RNF123: variants seen among roughly 807,000 people sequenced by gnomAD.
RNF123 encodes the protein ring finger protein 123.
A neutral mutation model predicts 168.5 loss-of-function variants in RNF123; 86 were observed. The ratio of observed to expected loss-of-function variants is 0.51; its 90% confidence interval spans 0.43 to 0.61. RNF123 has a LOEUF of 0.61. Ranked by LOEUF, RNF123 falls within the 20% of genes least tolerant of loss-of-function variation. The pLI, the probability that RNF123 is intolerant of heterozygous loss-of-function variation, is 0.00. For missense variants in RNF123, 1,419 were observed against 1,729.7 expected (o/e 0.82, Z 3.19); for synonymous variants, 666 against 689.1 (o/e 0.97, Z 0.52).
Position 49,701,884 on chromosome 3 carries a change from G to A in RNF123, c.1469G>A (p.Cys490Tyr), listed in dbSNP as rs1375530250. ...RLRRRAYERGCQRLRKRIEVV... is the reference protein window; with the variant it reads ...RLRRRAYERGYQRLRKRIEVV... Reference sequence around the variant, plus strand: ...CGGCGGCGAGCCTACGAACGGGGCTGTCAGCGGCTCAGGAAGCGCATCGAA... The same window carrying A: ...CGGCGGCGAGCCTACGAACGGGGCTATCAGCGGCTCAGGAAGCGCATCGAA... Residue 490 changes from cysteine (C) to tyrosine (Y), a missense_variant, in exon 17 of 39, where the codon TGT becomes TAT. Cys to Tyr is a radical substitution (Grantham distance 194, BLOSUM62 -2). This residue lies in a region of RNF123 where 349 missense variants were observed against 344.9 expected (regional missense o/e 1.01). Transcript: ENST00000327697. The A allele has an allele frequency of 6.4e-7, 1 of 1,564,472 alleles. No homozygotes were observed.
At position 49,699,675 on chromosome 3, in the gene RNF123, G is replaced by A. The variant is rs770997519; in HGVS notation, c.887G>A (p.Arg296Gln). The change falls in exon 12 of 39, where the codon CGG becomes CAG. Residue 296 changes from arginine to glutamine, a missense_variant. This residue lies in a region of RNF123 where 318 missense variants were observed against 446.6 expected (regional missense o/e 0.71). Transcript: ENST00000327697. The surrounding 1 kb of genome is among the most constrained non-coding windows in gnomAD (Gnocchi z 4.8). Reference sequence around the variant, plus strand: ...TCCTCCCCCTCCACACAGGAGGGGCGGCTGTTGGACAAGGAGAGCTCCAAG... The same window carrying A: ...TCCTCCCCCTCCACACAGGAGGGGCAGCTGTTGGACAAGGAGAGCTCCAAG... ...LSVELDPVEGRLLDKESSKWR... is the reference protein window; with the variant it reads ...LSVELDPVEGQLLDKESSKWR... 52 of 1,613,848 alleles carry A rather than the reference G, an allele frequency of 3.2e-5. No individual in the cohort carries two copies. The highest frequency in any genetic ancestry group is 1.7e-4 in the Admixed American group (10 of 60,024).
Position 49,715,673 on chromosome 3 carries a change from C to G in RNF123, c.3109C>G (p.Leu1037Val). Residue 1037 changes from leucine (L) to valine (V), a missense_variant, in exon 32 of 39, where the codon CTC becomes GTC. Leu to Val is a conservative substitution (Grantham distance 32). Transcript: ENST00000327697. Reference sequence around the variant, plus strand: ...CTTCCTCAACAGCGTCCTCAATCAGCTCAACTGGGCCTTCTCTGAATTCAT... The same window carrying G: ...CTTCCTCAACAGCGTCCTCAATCAGGTCAACTGGGCCTTCTCTGAATTCAT... ...PSFLNSVLNQLNWAFSEFIGM... is the reference protein window; with the variant it reads ...PSFLNSVLNQVNWAFSEFIGM... 1 of 1,614,244 alleles carries G rather than the reference C, an allele frequency of 6.2e-7. No homozygotes were observed. Among genetic ancestry groups the G allele is most frequent in the East Asian group, 2.2e-5 (1 of 44,882 alleles).
intron 32 of RNF123, 25 bp from the exon 33 acceptor site, chr3:49,715,797 G>C (rs944235878): frequency 6.2e-7 from 1 of 1,613,782 alleles, no homozygotes; most frequent in Admixed American, 1.7e-5. Context: ...GCTGACCACT[G>C]CATGCCCACG....
At chr3:49,719,920 AGCT>A (rs2108207129) in intron 35 of RNF123, 1 of 178,480 alleles carries the variant, frequency 5.6e-6, no homozygotes, top group East Asian at 1.7e-4. Flanking sequence ...AATGTCTCCA[AGCT>A]GCTGTTAGTG....
rs199537166 is a variant in RNF123, at chr3:49,705,700, G to A, written c.2304+21G>A. On this transcript the variant is annotated intron_variant, in intron 24 of 38. Coordinates refer to ENST00000327697, the MANE Select transcript of RNF123 (RefSeq NM_022064.5). ...GCAAGGTCGTGCACTCTTGGACCCCGCATTGGGTGGCGGGTGTTGTGCGTG... is the reference window on the plus strand; with the variant it reads ...GCAAGGTCGTGCACTCTTGGACCCCACATTGGGTGGCGGGTGTTGTGCGTG... The A allele has an allele frequency of 2.0e-4, 329 of 1,613,802 alleles. 1 individual carries two copies. The highest frequency in any genetic ancestry group is 5.8e-5 in the Non-Finnish European group (69 of 1,179,908).
At chr3:49,715,294 G>C (rs2080216960) in intron 31 of RNF123, among the ~76,000 whole-genome samples, 1 of 152,252 alleles carries the variant, frequency 6.6e-6, no homozygotes, top group Non-Finnish European at 1.5e-5. Context: ...CTGAGGGTCA[G>C]GCTGTGGCTG....
intron 20 of RNF123, 126 bp from the exon 21 acceptor site, chr3:49,703,301 C>A: frequency 1.4e-6 from 1 of 710,230 alleles, no homozygotes; most frequent in South Asian, 1.8e-5. Context: ...CTCTGTCTGC[C>A]TGGATGGGTG....
Position 49,703,505 on chromosome 3 carries a change from C to T in RNF123, c.1829C>T (p.Ser610Leu), listed in dbSNP as rs1271906373. 9.9e-6 allele frequency: 16 copies of T among 1,614,000 alleles called. No individual in the cohort carries two copies. The highest frequency in any genetic ancestry group is 3.3e-5 in the South Asian group (3 of 91,074). The stretch of plus-strand genomic sequence containing the variant: ...CTGCAGCGCCTGGGGGGCCTCCTCT[C>T]GCACCTGCGGAAGACCCTCAAAGGT... ...FDLQRLGGLL[S>L]HLRKTLKDDL... Residue 610 changes from serine to leucine, a missense_variant, in exon 21 of 39, where the codon TCG (serine) becomes TTG (leucine). Coordinates refer to ENST00000327697, the MANE Select transcript of RNF123 (RefSeq NM_022064.5).
rs763007037 is a variant in RNF123, at chr3:49,699,426, G to A, written c.765-42G>A. The A allele has an allele frequency of 6.0e-6, 9 of 1,508,696 alleles. No individual in the cohort carries two copies. Among genetic ancestry groups the A allele is most frequent in the South Asian group, 2.4e-5 (2 of 83,838 alleles). 93.5% of individuals were successfully genotyped at this position (1,508,696 alleles called of 1,614,324 possible). On this transcript the variant is annotated intron_variant, in intron 10 of 38. Transcript: ENST00000327697. The surrounding 1 kb of genome is among the most constrained non-coding windows in gnomAD (Gnocchi z 4.8). The stretch of plus-strand genomic sequence containing the variant: ...TGGGCAGTGGAGAGGGAGTAGGCAT[G>A]TCTGAGCCACAGATAAGGCGTTGCT...
rs950573812 is a variant in RNF123 at position 49,702,127 on chromosome 3, A to C, written c.1540A>C (p.Asn514His). 1 of 1,614,012 alleles carries C rather than the reference A, an allele frequency of 6.2e-7. No homozygotes were observed. Among genetic ancestry groups the C allele is most frequent in the African/African-American group, 1.3e-5 (1 of 74,918 alleles). The change falls in exon 18 of 39, where the codon AAT (asparagine) becomes CAT (histidine). Residue 514 changes from asparagine (N) to histidine (H), a missense_variant. This residue lies in a region of RNF123 where 349 missense variants were observed against 344.9 expected (regional missense o/e 1.01). Coordinates refer to ENST00000327697, the MANE Select transcript of RNF123 (RefSeq NM_022064.5). ...CCAGATCCTGAAGCTGCTGCTGGACAATAAAGATGACAATGGGGTGAGTGA... is the reference window on the plus strand; with the variant it reads ...CCAGATCCTGAAGCTGCTGCTGGACCATAAAGATGACAATGGGGTGAGTGA... ...QVQILKLLLDNKDDNGGEASR... is the reference protein window; with the variant it reads ...QVQILKLLLDHKDDNGGEASR...
intron 21 of RNF123, 76 bp downstream of exon 21, chr3:49,703,604 ATGCTGAGCCATCCTATGGCCACCAGAGGG>A: frequency 8.3e-7 from 1 of 1,206,884 alleles, no homozygotes. Flanking sequence ...TCTGCTGTGG[ATGCTGAGCCATCCTATGGCCACCAGAGGG>A]TGCCCAAGTC....
At chr3:49,692,520 T>C (rs1358078986) in intron 3 of RNF123, among the ~76,000 whole-genome samples, 1 of 152,224 alleles carries the variant, frequency 6.6e-6, no homozygotes, top group Admixed American at 6.5e-5. Flanking sequence ...TATTTTTAAA[T>C]GTACAATTAT....
chr3:49,718,871 A>AGAT, intron 35 of RNF123: 1 of 1,613,440 alleles, frequency 6.2e-7, no homozygotes, highest in Non-Finnish European at 8.5e-7. Flanking sequence ...TCAGGTACGG[A>AGAT]GATGTGTCCC....
intron 26 of RNF123, 48 bp downstream of exon 26, chr3:49,706,946 C>A: frequency 1.3e-6 from 2 of 1,532,706 alleles, no homozygotes; most frequent in Non-Finnish European, 1.8e-6. Context: ...TGTCTGGCCA[C>A]GGGTCTAGCA....
At chr3:49,696,247 A>G (rs2054264698) in intron 3 of RNF123, among the ~76,000 whole-genome samples, 1 of 152,192 alleles carries the variant, frequency 6.6e-6, no homozygotes, top group Admixed American at 6.5e-5. Flanking sequence ...GTTATGTGCT[A>G]TGCAGACAGC....
chr3:49,703,877 C>T (rs1406876772), intron 21 of RNF123, among the ~76,000 whole-genome samples: 1 of 152,170 alleles, frequency 6.6e-6, no homozygotes, highest in African/African-American at 2.4e-5. Context: ...GAGCCGGGCA[C>T]AAGGGTGGGT....
chr3:49,712,819 G>C, intron 27 of RNF123, 163 bp downstream of exon 27: 1 of 806,046 alleles, frequency 1.2e-6, no homozygotes, highest in Non-Finnish European at 2.1e-6. Flanking sequence ...ACAAACGTCT[G>C]CACCCTGCCC....
intron 26 of RNF123, among the ~76,000 whole-genome samples, chr3:49,709,510 C>T (rs1243325047): frequency 1.3e-5 from 2 of 151,976 alleles, no homozygotes; most frequent in Non-Finnish European, 1.5e-5. Context: ...CCGTGTTAGC[C>T]AGGATGGTCT....
At position 49,700,460 on chromosome 3, in the gene RNF123, C is replaced by T. The variant is rs201904749; in HGVS notation, c.1111-12C>T. 2.2e-4 allele frequency: 356 copies of T among 1,613,428 alleles called. No homozygotes were observed. The highest frequency in any genetic ancestry group is 2.8e-4 in the Non-Finnish European group (336 of 1,179,500). On this transcript the variant is annotated splice_polypyrimidine_tract_variant and intron_variant, in intron 13 of 38. Transcript: ENST00000327697. ...GCCCCAGTCATGGCTGCCTTGGCAT[C>T]TCTTCCCCCAGGACTACGAGGTACA...
Sources: allele counts gnomAD v4.1 joint callset (sites outside exome capture counted in the v4.1 genomes callset), GRCh38; gene constraint gnomAD v4.1.1; regional missense constraint gnomAD v4.1.1; non-coding constraint Gnocchi (gnomAD v3.1); transcripts MANE v1.5; gene names NCBI Gene and HGNC (gene_info 2026-07-23, HGNC 2026-07-21).